PHACTR2: variants seen among roughly 807,000 people sequenced by gnomAD.
PHACTR2 encodes the protein phosphatase and actin regulator 2.
Under a neutral mutation model 76.0 loss-of-function variants are expected in PHACTR2, and 30 were observed. That is an observed-to-expected ratio of 0.39 (90% CI 0.30 to 0.54). The LOEUF (loss-of-function observed/expected upper bound fraction) is 0.54, where lower values mean the gene tolerates loss of function less well. Ranked by LOEUF, PHACTR2 falls within the 20% of genes least tolerant of loss-of-function variation. The pLI, the probability that PHACTR2 is intolerant of heterozygous loss-of-function variation, is 0.61. For synonymous variants in PHACTR2, 292 were observed against 292.5 expected (o/e 1.00, Z 0.02); for missense variants, 696 against 781.1 (o/e 0.89, Z 1.30).
In PHACTR2 at chr6:143,698,414, G is replaced by A. The variant is rs1420945586; in HGVS notation, c.47-13602G>A. Among the ~76,000 whole-genome samples, 1 of 152,180 alleles carries A rather than the reference G, an allele frequency of 6.6e-6. No individual in the cohort carries two copies. Among genetic ancestry groups the A allele is most frequent in the African/African-American group, 2.4e-5 (1 of 41,438 alleles). ...GGAATTGTTTCTCTCAAGAGAATTAGGTGTACAAACCAAGGAATGTTAATC... is the reference window on the plus strand; with the variant it reads ...GGAATTGTTTCTCTCAAGAGAATTAAGTGTACAAACCAAGGAATGTTAATC... On this transcript the variant is annotated intron_variant, in intron 1 of 12. Coordinates refer to ENST00000440869, the MANE Select transcript of PHACTR2 (RefSeq NM_001100164.2). The surrounding 1 kb of genome is among the most constrained non-coding windows in gnomAD (Gnocchi z 4.3).
intron 1 of PHACTR2, among the ~76,000 whole-genome samples, chr6:143,693,237 G>A (rs1418045579): frequency 6.6e-6 from 1 of 151,780 alleles, no homozygotes; most frequent in Non-Finnish European, 1.5e-5. Flanking sequence ...TTTTGTTTTT[G>A]TTTTGTTTTT....
At chr6:143,705,194 C>A (rs369717330) in intron 1 of PHACTR2, among the ~76,000 whole-genome samples, 3 of 152,062 alleles carry the variant, frequency 2.0e-5, no homozygotes, top group Non-Finnish European at 4.4e-5. Flanking sequence ...TCTTGGCTCA[C>A]TGCAGCCTCC....
chr6:143,586,710 G>A (rs1775635049), intron 1 of PHACTR2, among the ~76,000 whole-genome samples: 1 of 152,210 alleles, frequency 6.6e-6, no homozygotes, highest in Non-Finnish European at 1.5e-5. Context: ...GAACTCCAGG[G>A]TCATTGGGTC....
intron 1 of PHACTR2, among the ~76,000 whole-genome samples, chr6:143,575,987 T>G (rs1775502448): frequency 6.6e-6 from 1 of 152,254 alleles, no homozygotes; most frequent in Non-Finnish European, 1.5e-5. Context: ...ATAATCACAT[T>G]TCTGGAATGA....
chr6:143,555,562 T>A (rs1055941639), intron 1 of PHACTR2, among the ~76,000 whole-genome samples: 2 of 152,328 alleles, frequency 1.3e-5, no homozygotes, highest in African/African-American at 4.8e-5. Flanking sequence ...TCCCTGATGA[T>A]CAACACAGAA....
In PHACTR2 at chr6:143,618,663, C is replaced by A. The variant is rs1230023113; in HGVS notation, c.13+10341C>A. On this transcript the variant is annotated intron_variant, in intron 1 of 11. Transcript: ENST00000305766. This position sits in a 1 kb window ranked among gnomAD's most constrained non-coding sequence, Gnocchi z 5.2. ...CTGCCCCTCCTGCTCCAGCCCCCACCATTTCTCCCCAGACCCTCTCACTTG... is the reference window on the plus strand; with the variant it reads ...CTGCCCCTCCTGCTCCAGCCCCCACAATTTCTCCCCAGACCCTCTCACTTG... Among the ~76,000 whole-genome samples the A allele has an allele frequency of 1.3e-5, 2 of 151,994 alleles. No individual in the cohort carries two copies. Among genetic ancestry groups the A allele is most frequent in the Non-Finnish European group, 2.9e-5 (2 of 68,014 alleles).
intron 11 of PHACTR2, among the ~76,000 whole-genome samples, chr6:143,802,945 G>T (rs929810448): frequency 6.9e-4 from 105 of 151,912 alleles, no homozygotes; most frequent in African/African-American, 2.4e-3. Flanking sequence ...CAAACAACTA[G>T]TCCTTACAAT....
Position 143,578,380 on chromosome 6 carries a change from C to T in PHACTR2, c.217+41173C>T, listed in dbSNP as rs1775535929. Among the ~76,000 whole-genome samples the T allele has an allele frequency of 6.6e-6, 1 of 152,096 alleles. No individual in the cohort carries two copies. The highest frequency in any genetic ancestry group is 1.5e-5 in the Non-Finnish European group (1 of 68,018). The stretch of plus-strand genomic sequence containing the variant: ...CAGGGAGGCAGGGGAGGCCAGAAGT[C>T]AAGAGAATAGATACGTGGCATTAGG... On this transcript the variant is annotated intron_variant, in intron 1 of 11. Transcript: ENST00000367584. The surrounding 1 kb of genome is among the most constrained non-coding windows in gnomAD (Gnocchi z 4.5).
intron 4 of PHACTR2, among the ~76,000 whole-genome samples, chr6:143,759,867 G>A (rs1779394673): frequency 1.3e-5 from 2 of 152,020 alleles, no homozygotes; most frequent in African/African-American, 4.8e-5. Flanking sequence ...AAATAATTGG[G>A]TTTTGATCAC....
At position 143,800,645 on chromosome 6, in the gene PHACTR2, A is replaced by C. The variant is rs1413433587; in HGVS notation, c.1846-6412A>C. Among the ~76,000 whole-genome samples the C allele has an allele frequency of 6.6e-6, 1 of 152,172 alleles. No homozygotes were observed. The highest frequency in any genetic ancestry group is 1.5e-5 in the Non-Finnish European group (1 of 68,020). On this transcript the variant is annotated intron_variant, in intron 11 of 12. Transcript: ENST00000440869. The surrounding 1 kb of genome is among the most constrained non-coding windows in gnomAD (Gnocchi z 4.8). ...GCACACTGATGGGTCTAGACTCTTT[A>C]TCCAATTTGCCAATCTGTGTCTTTT...
rs533328500 is a variant in PHACTR2, at chr6:143,722,729, A to G, written c.214+10546A>G. On this transcript the variant is annotated intron_variant, in intron 2 of 12. Coordinates refer to ENST00000440869, the MANE Select transcript of PHACTR2 (RefSeq NM_001100164.2). This position sits in a 1 kb window ranked among gnomAD's most constrained non-coding sequence, Gnocchi z 4.1. ...ATCTATTCTTTCTATCTAACTGTAC[A>G]TTTGTACCCCTTAACCATCCCTCCT... Among the ~76,000 whole-genome samples, 2 of 152,024 alleles carry G rather than the reference A, an allele frequency of 1.3e-5. No homozygotes were observed. Among genetic ancestry groups the G allele is most frequent in the African/African-American group, 2.4e-5 (1 of 41,356 alleles).
rs200610444 is a variant in PHACTR2 at position 143,546,877 on chromosome 6, A to T, written c.217+9670A>T. ...CCCATCTCAAAAAAAAAAAAAATAA[A>T]AAATAAAAAATTAGCCAGGTGAACT... On this transcript the variant is annotated intron_variant, in intron 1 of 11. Coordinates refer to the PHACTR2 transcript ENST00000367584. The surrounding 1 kb of genome is among the most constrained non-coding windows in gnomAD (Gnocchi z 4.9). 8.4e-4 allele frequency among the ~76,000 whole-genome samples: 128 copies of T among 151,874 alleles called. No homozygotes were observed. The highest frequency in any genetic ancestry group is 3.4e-3 in the Middle Eastern group (1 of 294).
intron 1 of PHACTR2, among the ~76,000 whole-genome samples, chr6:143,699,705 A>T (rs11962519): frequency 1.3e-5 from 2 of 151,920 alleles, no homozygotes; most frequent in East Asian, 3.9e-4. Flanking sequence ...ACCCTTGTAG[A>T]GGTTCAGGCC....
chr6:143,726,306 C>T (rs1778569738), intron 2 of PHACTR2, among the ~76,000 whole-genome samples: 1 of 152,152 alleles, frequency 6.6e-6, no homozygotes. Flanking sequence ...TCATAAAATT[C>T]ACTATCTTAA....
intron 1 of PHACTR2, among the ~76,000 whole-genome samples, chr6:143,642,516 G>C (rs114562292): frequency 6.6e-6 from 1 of 152,110 alleles, no homozygotes. Context: ...GGATTGAGCC[G>C]TGTCCCTACA....
chr6:143,596,999 C>T lies in PHACTR2; in HGVS notation c.217+59792C>T, dbSNP rs950187891. ...TGCAACAGCCCTATTGCTGCCAGCACAGCCCTCCTGCCTCCTTCCCTCCTG... is the reference window on the plus strand; with the variant it reads ...TGCAACAGCCCTATTGCTGCCAGCATAGCCCTCCTGCCTCCTTCCCTCCTG... On this transcript the variant is annotated intron_variant, in intron 1 of 11. Transcript: ENST00000367584. The surrounding 1 kb of genome is among the most constrained non-coding windows in gnomAD (Gnocchi z 4.6). Among the ~76,000 whole-genome samples, 1 of 152,312 alleles carries T rather than the reference C, an allele frequency of 6.6e-6. No individual in the cohort carries two copies. The highest frequency in any genetic ancestry group is 1.9e-4 in the East Asian group (1 of 5,176).
chr6:143,802,237 A>T (rs560298822), intron 11 of PHACTR2, among the ~76,000 whole-genome samples: 1 of 152,214 alleles, frequency 6.6e-6, no homozygotes, highest in East Asian at 1.9e-4. Flanking sequence ...CTCTAGAAAT[A>T]CCTAGTTTTG....
intron 1 of PHACTR2, among the ~76,000 whole-genome samples, chr6:143,670,964 C>G (rs143736707): frequency 1.3e-5 from 2 of 151,762 alleles, no homozygotes; most frequent in East Asian, 3.9e-4. Context: ...CGCTCTGCAG[C>G]CCAGGCTGGA....
In PHACTR2 at chr6:143,710,153, C is replaced by G. The variant is rs143593633; in HGVS notation, c.47-1863C>G. Among the ~76,000 whole-genome samples, 233 of 152,140 alleles carry G rather than the reference C, an allele frequency of 1.5e-3. No homozygotes were observed. Among genetic ancestry groups the G allele is most frequent in the African/African-American group, 4.7e-3 (194 of 41,508 alleles). ...GAGTGCAGACGTTTGTGGTCTGTGCCCATTGGTGTTTCTGGGTTGCTGGCT... is the reference window on the plus strand; with the variant it reads ...GAGTGCAGACGTTTGTGGTCTGTGCGCATTGGTGTTTCTGGGTTGCTGGCT... On this transcript the variant is annotated intron_variant, in intron 1 of 12. Coordinates refer to ENST00000440869, the MANE Select transcript of PHACTR2 (RefSeq NM_001100164.2). This position sits in a 1 kb window ranked among gnomAD's most constrained non-coding sequence, Gnocchi z 4.9.
Sources: allele counts gnomAD v4.1 joint callset (sites outside exome capture counted in the v4.1 genomes callset), GRCh38; gene constraint gnomAD v4.1.1; non-coding constraint Gnocchi (gnomAD v3.1); transcripts MANE v1.5; gene names NCBI Gene and HGNC (gene_info 2026-07-23, HGNC 2026-07-21).